Variants in CPSF1 observed in about 807,000 individuals in gnomAD.
The protein encoded by CPSF1 is cleavage and polyadenylation specific factor 1, also known as cleavage and polyadenylation specificity factor subunit 1.
CPSF1 carries 106 observed loss-of-function variants against 175.8 expected under a neutral mutation model. That is an observed-to-expected ratio of 0.60 (90% CI 0.52 to 0.71). CPSF1 has a LOEUF of 0.71. Among genes scored for constraint, CPSF1 ranks in the 30% least tolerant of loss-of-function variants. CPSF1 has a pLI of 0.00. For missense variants in CPSF1, 1,734 were observed against 2,022.9 expected (o/e 0.86, Z 2.74); for synonymous variants, 1,024 against 858.3 (o/e 1.19, Z -3.37).
At position 144,396,615 on chromosome 8, in the gene CPSF1, T is replaced by C; in HGVS notation, c.2809A>G (p.Ile937Val). The C allele has an allele frequency of 6.2e-7, 1 of 1,613,422 alleles. No individual in the cohort carries two copies. The highest frequency in any genetic ancestry group is 8.5e-7 in the Non-Finnish European group (1 of 1,179,862). ...TGGCCTACCCCTGAGTAGCCATAAA[T>C]ATCCTCGAAGTAGCGGAAACGCGCC... ...RVARFRYFED[I>V]YGYSGVFICG... The change falls in exon 25 of 38, where the codon ATT becomes GTT. Residue 937 changes from isoleucine to valine, a missense_variant. By Grantham distance (29) the Ile-to-Val change is conservative (BLOSUM62 3). Coordinates refer to ENST00000616140, the MANE Select transcript of CPSF1 (RefSeq NM_013291.3).
chr8:144,397,070 G>T, intron 23 of CPSF1, 137 bp downstream of exon 23: 2 of 956,510 alleles, frequency 2.1e-6, no homozygotes, highest in Non-Finnish European at 3.1e-6. Context: ...GGGCTGTGAG[G>T]GAGATGGGGT....
chr8:144,393,655 G>A lies in CPSF1; in HGVS notation c.4145+12C>T, dbSNP rs1376080887. 5.7e-6 allele frequency: 9 copies of A among 1,567,642 alleles called. No homozygotes were observed. Among genetic ancestry groups the A allele is most frequent in the African/African-American group, 5.4e-5 (4 of 74,508 alleles). On this transcript the variant is annotated intron_variant, in intron 36 of 37. Coordinates refer to ENST00000616140, the MANE Select transcript of CPSF1 (RefSeq NM_013291.3). ...GGAGGGGGTGCTGCACGGGGGCGGG[G>A]CCGGGGCTCACCGGAAGGCGCGGGG...
intron 2 of CPSF1, 132 bp downstream of exon 2, chr8:144,408,883 T>A: frequency 9.3e-7 from 1 of 1,076,302 alleles, no homozygotes; most frequent in South Asian, 1.5e-5. Context: ...GGTCATGTCC[T>A]GGCTCCTCAG....
Position 144,400,148 on chromosome 8 carries a change from C to CCT in CPSF1, c.937+17_937+18insAG. The CCT allele has an allele frequency of 7.2e-7, 1 of 1,390,248 alleles. No individual in the cohort carries two copies. The highest frequency in any genetic ancestry group is 9.8e-7 in the Non-Finnish European group (1 of 1,024,990). 86.1% of individuals were successfully genotyped at this position (1,390,248 alleles called of 1,614,324 possible). ...AGCCGTCCCCGGGCCCCCCCCGCCCCAGCCACCCCACACTCACGAAGCGGG... is the reference window on the plus strand; with the variant it reads ...AGCCGTCCCCGGGCCCCCCCCGCCCCCTAGCCACCCCACACTCACGAAGCGGG... On this transcript the variant is annotated intron_variant, in intron 9 of 37. Transcript: ENST00000616140.
chr8:144,406,734 A>G (rs1405317270), intron 2 of CPSF1, among the ~76,000 whole-genome samples: 1 of 152,184 alleles, frequency 6.6e-6, no homozygotes, highest in Non-Finnish European at 1.5e-5. Flanking sequence ...AAGGCAGCAC[A>G]ACGCTTCCTG....
rs2280837 is a variant in CPSF1 at position 144,395,081 on chromosome 8, C to A, written c.3272+17G>T. ...GGAGGCCTTGGGCAGACCCCACCCC[C>A]GCCGGCCCAGCCTCACCTGGCATTG... On this transcript the variant is annotated intron_variant, in intron 29 of 37. Transcript: ENST00000616140. The A allele has an allele frequency of 1.2e-6, 2 of 1,603,364 alleles. No individual in the cohort carries two copies. Among genetic ancestry groups the A allele is most frequent in the Admixed American group, 1.7e-5 (1 of 59,520 alleles).
intron 37 of CPSF1, 35 bp downstream of exon 37, chr8:144,393,417 G>T (rs1483337733): frequency 2.0e-5 from 31 of 1,520,706 alleles, no homozygotes; most frequent in Non-Finnish European, 2.7e-5. Context: ...GCACACGGAG[G>T]GGCGGGGCGC....
Position 144,396,336 on chromosome 8 carries a change from G to A in CPSF1, c.2979+12C>T, listed in dbSNP as rs782485361. On this transcript the variant is annotated intron_variant, in intron 26 of 37. Coordinates refer to ENST00000616140, the MANE Select transcript of CPSF1 (RefSeq NM_013291.3). ...CATCAGCCAGTGCTGCTGGGAACCG[G>A]CCGGGCCCCACCTGTCTGTTGAAGT... 4.4e-6 allele frequency: 7 copies of A among 1,577,306 alleles called. No homozygotes were observed. In the African/African-American group the frequency reaches 8.0e-5, roughly 18 times the overall value.
rs2116874168 is a variant in CPSF1 at position 144,400,283 on chromosome 8, G to A, written c.827-7C>T. ...GCAAACACCACCACCCCACCTGGAG[G>A]TGGACACAGGCTGGTGGGCAGGCTC... On this transcript the variant is annotated splice_polypyrimidine_tract_variant and splice_region_variant and intron_variant, in intron 8 of 37. Coordinates refer to ENST00000616140, the MANE Select transcript of CPSF1 (RefSeq NM_013291.3). 6.2e-6 allele frequency: 10 copies of A among 1,607,224 alleles called. No homozygotes were observed. The highest frequency in any genetic ancestry group is 7.7e-6 in the Non-Finnish European group (9 of 1,174,972).
At chr8:144,395,624 A>G in intron 26 of CPSF1, 73 bp from the exon 27 acceptor site, 1 of 1,316,478 alleles carries the variant, frequency 7.6e-7, no homozygotes. Context: ...CAGGCCGCCA[A>G]GAGCCCTGGG....
intron 17 of CPSF1, 38 bp from the exon 18 acceptor site, chr8:144,398,676 T>C (rs1254131027): frequency 2.5e-6 from 4 of 1,609,878 alleles, no homozygotes; most frequent in Non-Finnish European, 2.5e-6. Flanking sequence ...GAAGCCACAG[T>C]CCAGTGAAGG....
At position 144,394,366 on chromosome 8, in the gene CPSF1, G is replaced by A. The variant is rs557693717; in HGVS notation, c.3744+13C>T. ...TACCCACCCAGACACGAGCACCGCC[G>A]CCACAGGTGTACCCGCGACACCAGG... is the stretch of plus-strand genomic sequence containing the variant. On this transcript the variant is annotated intron_variant, in intron 32 of 37. Transcript: ENST00000616140. 1.9e-5 allele frequency: 31 copies of A among 1,595,410 alleles called. No homozygotes were observed. The highest frequency in any genetic ancestry group is 6.7e-5 in the South Asian group (6 of 89,350).
chr8:144,403,653 A>G (rs2116895463), intron 2 of CPSF1, among the ~76,000 whole-genome samples: 2 of 151,994 alleles, frequency 1.3e-5, no homozygotes, highest in African/African-American at 4.8e-5. Flanking sequence ...CCTGGGTTCA[A>G]GCAATTCTCC....
chr8:144,396,657 C>T lies in CPSF1; in HGVS notation c.2767G>A (p.Gly923Arg). 1 of 1,613,864 alleles carries T rather than the reference C, an allele frequency of 6.2e-7. No individual in the cohort carries two copies. Among genetic ancestry groups the T allele is most frequent in the Admixed American group, 1.7e-5 (1 of 60,022 alleles). The part of the protein sequence containing the change: ...AEGGGAEEGA[G>R]ARGRVARFRY... The stretch of plus-strand genomic sequence containing the variant: ...AAACGCGCCACGCGGCCCCGGGCCC[C>T]AGCCCCCTCCTCTGCGCCGCCACCT... Residue 923 changes from glycine (G) to arginine (R), a missense_variant, in exon 25 of 38, where the codon GGG becomes AGG. Around this residue, in one of 10 missense-constraint regions of CPSF1, gnomAD observed 585 missense variants for 584.7 expected, o/e 1.00. Transcript: ENST00000616140.
chr8:144,397,061 G>C (rs1174429388), intron 23 of CPSF1, 132 bp from the exon 24 acceptor site: 3 of 918,934 alleles, frequency 3.3e-6, no homozygotes, highest in East Asian at 2.7e-5. Context: ...GAAGGGGCGG[G>C]GCTGTGAGGG....
rs782169353 is a variant in CPSF1 at position 144,396,727 on chromosome 8, G to T, written c.2697C>A (p.Ile899=). Residue 899 remains isoleucine, a synonymous_variant, in exon 25 of 38, where the codon ATC becomes ATA. Transcript: ENST00000616140. ...KVRFKKVPHN[I]NFREKKPKPS... is the part of the protein sequence containing the mutation. ...GCTTTGGCTTCTTCTCACGGAAGTT[G>T]ATGTTGTGAGGGACCTGGGGGGGAA... 113 of 1,613,858 alleles carry T rather than the reference G, an allele frequency of 7.0e-5. No homozygotes were observed. The highest frequency in any genetic ancestry group is 9.1e-5 in the Non-Finnish European group (107 of 1,180,014).
rs141550402 is a variant in CPSF1, at chr8:144,396,355, T to C, written c.2972A>G (p.Asn991Ser). Residue 991 changes from asparagine to serine, a missense_variant, in exon 26 of 38, where the codon AAC becomes AGC. By Grantham distance (46) the Asn-to-Ser change is conservative. Coordinates refer to ENST00000616140, the MANE Select transcript of CPSF1 (RefSeq NM_013291.3). The part of the protein sequence containing the change: ...VNCPRGFLYF[N>S]RQGELRISVL... Reference sequence around the variant, plus strand: ...GAACCGGCCGGGCCCCACCTGTCTGTTGAAGTACAGGAAGCCGCGGGGACA... The same window carrying C: ...GAACCGGCCGGGCCCCACCTGTCTGCTGAAGTACAGGAAGCCGCGGGGACA... The C allele has an allele frequency of 3.2e-6, 5 of 1,585,714 alleles. No homozygotes were observed. The African/African-American group carries it at 5.4e-5, about 17-fold the overall frequency.
In CPSF1 at chr8:144,409,071, G is replaced by A; in HGVS notation, c.88C>T (p.Leu30=). 1 of 1,613,870 alleles carries A rather than the reference G, an allele frequency of 6.2e-7. No individual in the cohort carries two copies. The highest frequency in any genetic ancestry group is 2.2e-5 in the East Asian group (1 of 44,872). ...AGCTGCGAGGTCCCGGCCACTACCA[G>A]GTTGCGCTCGCTGTTGTTGAAGAAG... is the stretch of plus-strand genomic sequence containing the variant. ...CNFFNNSERN[L]VVAGTSQLYV... Residue 30 remains leucine (L), a synonymous_variant, in exon 2 of 38, where the codon CTG becomes TTG. Coordinates refer to ENST00000616140, the MANE Select transcript of CPSF1 (RefSeq NM_013291.3).
In CPSF1 at chr8:144,400,087, T is replaced by C. The variant is rs1406174298; in HGVS notation, c.938-2A>G. 2 of 1,581,378 alleles carry C rather than the reference T, an allele frequency of 1.3e-6. No individual in the cohort carries two copies. Among genetic ancestry groups the C allele is most frequent in the Non-Finnish European group, 1.7e-6 (2 of 1,168,838 alleles). The stretch of plus-strand genomic sequence containing the variant: ...TGATCCGCACACCCTCCTGGGTGCC[T>C]GTGGGGTGGGTGGTCAGGCCGACTA... On this transcript the variant is annotated splice_acceptor_variant, in intron 9 of 37. Transcript: ENST00000616140. LOFTEE classifies it high-confidence loss of function.
Sources: gnomAD v4.1 joint callset for allele counts (sites outside exome capture counted in the v4.1 genomes callset) on GRCh38, gnomAD v4.1.1 for gene constraint, gnomAD v4.1.1 regional missense constraint, MANE v1.5 for transcripts, NCBI Gene and HGNC (gene_info 2026-07-23, HGNC 2026-07-21) for gene names.